IQSEC1: variants seen among roughly 807,000 people sequenced by gnomAD.
The protein encoded by IQSEC1 is IQ motif and SEC7 domain-containing protein 1.
IQSEC1 carries 31 observed loss-of-function variants against 91.0 expected under a neutral mutation model. The observed-to-expected ratio is 0.34, with a 90% confidence interval of 0.26 to 0.46. The LOEUF is 0.46. IQSEC1 is among the 20% of genes least tolerant of loss of function. The pLI, the probability that IQSEC1 is intolerant of heterozygous loss-of-function variation, is 1.00. For missense variants in IQSEC1, 1,388 were observed against 1,575.6 expected (o/e 0.88, Z 2.02); for synonymous variants, 699 against 662.6 (o/e 1.05, Z -0.84).
rs979363678 is a variant in IQSEC1, at chr3:13,106,616, C to T, written c.302+57488G>A. 9.9e-5 allele frequency among the ~76,000 whole-genome samples: 15 copies of T among 152,214 alleles called. 1 individual carries two copies. Among genetic ancestry groups the T allele is most frequent in the Non-Finnish European group, 1.8e-4 (12 of 68,042 alleles). On this transcript the variant is annotated intron_variant, in intron 2 of 15. Transcript: ENST00000648114. ...CTCCCTGCCCTTAACCCTTAGGCAGCACTGCCTCTCCACAGAACAAGGCTG... is the reference window on the plus strand; with the variant it reads ...CTCCCTGCCCTTAACCCTTAGGCAGTACTGCCTCTCCACAGAACAAGGCTG...
rs572208204 is a variant in IQSEC1 at position 13,228,615 on chromosome 3, A to G, written c.272+54096T>C. The stretch of plus-strand genomic sequence containing the variant: ...ACCTTAAAATTTTTTGAAATCTTTA[A>G]AGCCTTACCAAAACCTTTGCAGGGC... On this transcript the variant is annotated intron_variant, in intron 1 of 15. Transcript: ENST00000648114. Among the ~76,000 whole-genome samples the G allele has an allele frequency of 4.6e-5, 7 of 152,354 alleles. No individual in the cohort carries two copies. The South Asian group carries it at 1.0e-3, about 23-fold the overall frequency.
chr3:13,011,395 T>C (rs1702877447), intron 1 of IQSEC1, among the ~76,000 whole-genome samples: 1 of 152,230 alleles, frequency 6.6e-6, no homozygotes, highest in Non-Finnish European at 1.5e-5. Context: ...TAGGTCATTG[T>C]CTATGGGCAG....
At chr3:12,952,908 A>G (rs1186216451) in intron 1 of IQSEC1, among the ~76,000 whole-genome samples, 1 of 152,228 alleles carries the variant, frequency 6.6e-6, no homozygotes, top group Admixed American at 6.5e-5. Flanking sequence ...GAGCTGGAAG[A>G]GACCTGAGCA....
intron 1 of IQSEC1, among the ~76,000 whole-genome samples, chr3:13,170,793 C>A (rs375467715): frequency 2.0e-5 from 3 of 152,218 alleles, no homozygotes; most frequent in African/African-American, 7.2e-5. Flanking sequence ...GTCCAGCAGC[C>A]TTTTGGAGTC....
intron 1 of IQSEC1, among the ~76,000 whole-genome samples, chr3:12,991,055 G>A (rs1264996066): frequency 6.6e-6 from 1 of 152,178 alleles, no homozygotes. Flanking sequence ...TGCTATGATG[G>A]CCCCACTGAA....
chr3:13,225,263 T>C (rs1390943553), intron 1 of IQSEC1, among the ~76,000 whole-genome samples: 1 of 152,232 alleles, frequency 6.6e-6, no homozygotes, highest in Non-Finnish European at 1.5e-5. Context: ...TGTGGTCAGT[T>C]AGTTTTATAG....
intron 2 of IQSEC1, among the ~76,000 whole-genome samples, chr3:13,117,848 G>A (rs1193589338): frequency 6.6e-6 from 1 of 152,154 alleles, no homozygotes; most frequent in Non-Finnish European, 1.5e-5. Flanking sequence ...TCACACCACT[G>A]CACTCCAGCC....
rs547837736 is a variant in IQSEC1, at chr3:12,899,627, C to T, written c.*1356G>A. ...CGGGCACTCGTCGGCTGGGGTCACA[C>T]GGGCCACGGTGAGGACACAGGGGTT... On this transcript the variant is annotated 3_prime_UTR_variant, in exon 14 of 14. Coordinates refer to ENST00000613206, the MANE Select transcript of IQSEC1 (RefSeq NM_001134382.3). 61 of 985,436 alleles carry T rather than the reference C, an allele frequency of 6.2e-5. No individual in the cohort carries two copies. Among genetic ancestry groups the T allele is most frequent in the Middle Eastern group, 5.2e-4 (1 of 1,914 alleles). 61.0% of individuals were successfully genotyped at this position (985,436 alleles called of 1,614,324 possible).
chr3:13,282,999 G>A lies in IQSEC1; in HGVS notation c.-17C>T, dbSNP rs923246535. On this transcript the variant is annotated 5_prime_UTR_variant, in exon 1 of 16. Transcript: ENST00000648114. This position sits in a 1 kb window ranked among gnomAD's most constrained non-coding sequence, Gnocchi z 6.4. ...GCTGGCCATGGCCCCCCGCCCGGAG[G>A]CCGGCCGCGCCTCAGGCGAGCGGGC... Among the ~76,000 whole-genome samples, 9 of 145,622 alleles carry A rather than the reference G, an allele frequency of 6.2e-5. No homozygotes were observed. Among genetic ancestry groups the A allele is most frequent in the Admixed American group, 6.1e-4 (9 of 14,728 alleles).
intron 2 of IQSEC1, among the ~76,000 whole-genome samples, chr3:13,124,861 T>C (rs963129508): frequency 6.6e-6 from 1 of 152,060 alleles, no homozygotes; most frequent in African/African-American, 2.4e-5. Context: ...CTGCCAGCAG[T>C]CGTTCAGCAT....
chr3:12,920,731 G>A lies in IQSEC1; in HGVS notation c.1854-135C>T, dbSNP rs116157991. The A allele has an allele frequency of 1.2e-3, 1,093 of 939,670 alleles. 9 individuals are homozygous for A. In the African/African-American group the frequency reaches 0.016, roughly 14 times the overall value. The allele number at this position is 939,670 out of a possible 1,614,324, so 58.2% of individuals were successfully genotyped here. Reference sequence around the variant, plus strand: ...TGAGCGAGGATCACACCTGCCTGTCGGAGTTGGCCCTGACTACTCACTTGC... The same window carrying A: ...TGAGCGAGGATCACACCTGCCTGTCAGAGTTGGCCCTGACTACTCACTTGC... On this transcript the variant is annotated intron_variant, in intron 5 of 13. Transcript: ENST00000613206.
At chr3:13,023,763 T>A (rs1190013854) in intron 1 of IQSEC1, among the ~76,000 whole-genome samples, 1 of 152,212 alleles carries the variant, frequency 6.6e-6, no homozygotes, top group Non-Finnish European at 1.5e-5. Context: ...AAGATAGGTT[T>A]CTACAAAGGC....
chr3:13,019,636 C>T (rs1428242403), intron 1 of IQSEC1, among the ~76,000 whole-genome samples: 1 of 152,196 alleles, frequency 6.6e-6, no homozygotes, highest in Non-Finnish European at 1.5e-5. Flanking sequence ...GTCGGGAGGG[C>T]AGAGTGCTTC....
intron 1 of IQSEC1, among the ~76,000 whole-genome samples, chr3:13,220,021 G>A (rs987665216): frequency 1.3e-5 from 2 of 152,218 alleles, no homozygotes; most frequent in Non-Finnish European, 2.9e-5. Context: ...CCTGGGAACC[G>A]GGGTCTGTGC....
intron 1 of IQSEC1, among the ~76,000 whole-genome samples, chr3:13,003,282 A>G (rs1702501298): frequency 6.8e-6 from 1 of 147,454 alleles, no homozygotes; most frequent in African/African-American, 2.6e-5. Context: ...CTACCAAAAA[A>G]AAAAAAAAAA....
chr3:13,055,162 T>G (rs1291265899), intron 1 of IQSEC1, among the ~76,000 whole-genome samples: 1 of 152,210 alleles, frequency 6.6e-6, no homozygotes, highest in Non-Finnish European at 1.5e-5. Flanking sequence ...TGCACACCCC[T>G]CCATCCTGCC....
chr3:13,062,066 G>C (rs1376059056), intron 1 of IQSEC1, among the ~76,000 whole-genome samples: 1 of 152,182 alleles, frequency 6.6e-6, no homozygotes, highest in Non-Finnish European at 1.5e-5. Flanking sequence ...AGGAGCATTG[G>C]AGCCCCTGGA....
At chr3:13,020,202 C>A (rs1703335501) in intron 1 of IQSEC1, among the ~76,000 whole-genome samples, 1 of 152,240 alleles carries the variant, frequency 6.6e-6, no homozygotes, top group Non-Finnish European at 1.5e-5. Context: ...TCACCCGCTG[C>A]CTGGCCCAGC....
At chr3:13,274,034 T>G (rs1027660417) in intron 1 of IQSEC1, among the ~76,000 whole-genome samples, 3 of 152,152 alleles carry the variant, frequency 2.0e-5, no homozygotes, top group African/African-American at 7.2e-5. Flanking sequence ...GAGGTGCATT[T>G]CACATGCCGA....
Sources: allele counts gnomAD v4.1 joint callset (sites outside exome capture counted in the v4.1 genomes callset), GRCh38; gene constraint gnomAD v4.1.1; non-coding constraint Gnocchi (gnomAD v3.1); transcripts MANE v1.5; gene names NCBI Gene and HGNC (gene_info 2026-07-23, HGNC 2026-07-21).